The following CYP3A5 variants were observed in gnomAD, a reference collection of about 807,000 sequenced individuals.
CYP3A5 encodes the protein cytochrome P450 family 3 subfamily A member 5.
In CYP3A5, 51 loss-of-function variants were observed where a neutral mutation model predicts 55.9. The observed-to-expected ratio is 0.91, with a 90% confidence interval of 0.73 to 1.15. The LOEUF is 1.15. Ranked by LOEUF, CYP3A5 falls within the 50% of genes most tolerant of loss-of-function variation. The pLI, the probability that CYP3A5 is intolerant of heterozygous loss-of-function variation, is 0.00. For synonymous variants in CYP3A5, 196 were observed against 213.9 expected (o/e 0.92, Z 0.73); for missense variants, 533 against 596.6 (o/e 0.89, Z 1.11).
At chr7:99,665,597 C>A (rs1810920804) in intron 6 of CYP3A5, among the ~76,000 whole-genome samples, 1 of 152,200 alleles carries the variant, frequency 6.6e-6, no homozygotes, top group Non-Finnish European at 1.5e-5. Flanking sequence ...CATTATCAGA[C>A]AACTACAGTA....
chr7:99,663,261 G>A (rs563722221), intron 8 of CYP3A5: 75 of 1,018,476 alleles, frequency 7.4e-5, no homozygotes, highest in East Asian at 2.9e-4. Flanking sequence ...AGCAGTGTCC[G>A]TATAGATTAA....
At position 99,654,520 on chromosome 7, in the gene CYP3A5, T is replaced by A. The variant is rs1020971382; in HGVS notation, c.1027-1741A>T. On this transcript the variant is annotated intron_variant, in intron 10 of 12. Transcript: ENST00000222982. ...GGTTGGTTCCAAGTCTTTGCTATTG[T>A]GAATAGTGCTGCAATAAACATAAGT... is the stretch of plus-strand genomic sequence containing the variant. Among the ~76,000 whole-genome samples, 4 of 152,360 alleles carry A rather than the reference T, an allele frequency of 2.6e-5. 1 individual carries two copies. The highest frequency in any genetic ancestry group is 9.6e-5 in the African/African-American group (4 of 41,582).
Position 99,666,660 on chromosome 7 carries a change from A to C in CYP3A5, c.462T>G (p.Asp154Glu). 3 of 1,614,038 alleles carry C rather than the reference A, an allele frequency of 1.9e-6. No individual in the cohort carries two copies. The highest frequency in any genetic ancestry group is 2.5e-6 in the Non-Finnish European group (3 of 1,179,948). ...CCCGCCTCAAGTTTCTCACCAATAC[A>C]TCTCCATACTGGGCAATGATGGGGA... The part of the protein sequence containing the change: ...EMFPIIAQYG[D>E]VLVRNLRREA... The change falls in exon 6 of 13, where the codon GAT becomes GAG. Residue 154 changes from aspartate to glutamate, a missense_variant. Physicochemically the swap from Asp to Glu is conservative, Grantham distance 45. Coordinates refer to ENST00000222982, the MANE Select transcript of CYP3A5 (RefSeq NM_000777.5).
At chr7:99,656,055 A>G (rs1407374362) in intron 10 of CYP3A5, among the ~76,000 whole-genome samples, 1 of 152,126 alleles carries the variant, frequency 6.6e-6, no homozygotes, top group Non-Finnish European at 1.5e-5. Flanking sequence ...TCTTTTCCTA[A>G]TTGAATACCC....
chr7:99,665,365 T>A (rs1209283759), intron 6 of CYP3A5, 51 bp from the exon 7 acceptor site: 1 of 1,606,984 alleles, frequency 6.2e-7, no homozygotes. Context: ...TTACCGTCCT[T>A]CCACTATACA....
intron 7 of CYP3A5, among the ~76,000 whole-genome samples, chr7:99,664,744 ATAAT>A (rs1176435948): frequency 2.0e-5 from 3 of 152,204 alleles, no homozygotes; most frequent in Non-Finnish European, 4.4e-5. Context: ...CAAATTGATT[ATAAT>A]TATTTACACC....
At chr7:99,657,193 C>G (rs1221889508) in intron 10 of CYP3A5, among the ~76,000 whole-genome samples, 3 of 152,206 alleles carry the variant, frequency 2.0e-5, no homozygotes, top group African/African-American at 7.2e-5. Flanking sequence ...AATGTTAGAT[C>G]TTTCCTGCTT....
At chr7:99,675,630 T>TCC (rs1812159471) in intron 2 of CYP3A5, among the ~76,000 whole-genome samples, 1 of 18,622 alleles carries the variant, frequency 5.4e-5, no homozygotes, top group Non-Finnish European at 1.4e-4. Context: ...TCCTTTTCTC[T>TCC]CCTCTCCTCT....
At chr7:99,649,390 A>C (rs1363422482) in intron 12 of CYP3A5, among the ~76,000 whole-genome samples, 13 of 152,212 alleles carry the variant, frequency 8.5e-5, no homozygotes, top group Admixed American at 8.5e-4. Flanking sequence ...TGAATCAATG[A>C]CATCTGTTCT....
intron 8 of CYP3A5, 104 bp downstream of exon 8, chr7:99,663,862 TTC>T: frequency 6.9e-7 from 1 of 1,442,916 alleles, no homozygotes; most frequent in Non-Finnish European, 9.1e-7. Flanking sequence ...TAAACATAAG[TTC>T]TCTGTCTTTA....
At chr7:99,652,407 G>A (rs1265545705) in intron 11 of CYP3A5, 146 bp downstream of exon 11, 12 of 572,882 alleles carry the variant, frequency 2.1e-5, no homozygotes, top group South Asian at 1.7e-4. Flanking sequence ...GGTTTGTAAA[G>A]TTTGATAATT....
intron 7 of CYP3A5, 78 bp from the exon 8 acceptor site, chr7:99,664,173 C>T: frequency 8.5e-7 from 1 of 1,170,278 alleles, no homozygotes. Flanking sequence ...ATTTTCTCTA[C>T]CAGTAATAAG....
chr7:99,659,937 G>C (rs533018215), intron 10 of CYP3A5: 1 of 153,240 alleles, frequency 6.5e-6, no homozygotes, highest in East Asian at 1.9e-4. Flanking sequence ...CGCAGTATTA[G>C]GGTGGGAGTG....
At chr7:99,651,192 G>A (rs1441694254) in intron 11 of CYP3A5, among the ~76,000 whole-genome samples, 2 of 152,134 alleles carry the variant, frequency 1.3e-5, no homozygotes, top group African/African-American at 4.8e-5. Flanking sequence ...GGAGATGCAC[G>A]AAAACTATTC....
chr7:99,667,996 GT>G (rs767306093), intron 4 of CYP3A5, among the ~76,000 whole-genome samples: 54 of 152,236 alleles, frequency 3.5e-4, no homozygotes, highest in Non-Finnish European at 6.3e-4. Flanking sequence ...TAATAGAATT[GT>G]CTCTATTTTC....
At chr7:99,660,240 T>A (rs1810287554) in intron 10 of CYP3A5, 28 of 977,948 alleles carry the variant, frequency 2.9e-5, no homozygotes, top group Non-Finnish European at 3.3e-5. Context: ...TTTTTTTTTT[T>A]TTTTTACTTA....
At chr7:99,667,728 A>G (rs1367093358) in intron 4 of CYP3A5, among the ~76,000 whole-genome samples, 1 of 152,222 alleles carries the variant, frequency 6.6e-6, no homozygotes, top group African/African-American at 2.4e-5. Context: ...GTTTTGTTTT[A>G]AAATGTGTAC....
At chr7:99,677,960 G>A (rs558854022) in intron 1 of CYP3A5, among the ~76,000 whole-genome samples, 1 of 152,350 alleles carries the variant, frequency 6.6e-6, no homozygotes, top group African/African-American at 2.4e-5. Flanking sequence ...GCTGTGCTGG[G>A]CGAACTCTTT....
In CYP3A5 at chr7:99,662,290, G is replaced by T. The variant is rs1307689162; in HGVS notation, c.865+526C>A. ...ATGGTTTTGGTTAAAACCATCCATGGGTCATAAAACTAGTAGATACAAGAC... is the reference window on the plus strand; with the variant it reads ...ATGGTTTTGGTTAAAACCATCCATGTGTCATAAAACTAGTAGATACAAGAC... On this transcript the variant is annotated intron_variant, in intron 9 of 12. Coordinates refer to ENST00000222982, the MANE Select transcript of CYP3A5 (RefSeq NM_000777.5). The surrounding 1 kb of genome is among the most constrained non-coding windows in gnomAD (Gnocchi z 4.3). Among the ~76,000 whole-genome samples, 3 of 152,050 alleles carry T rather than the reference G, an allele frequency of 2.0e-5. No homozygotes were observed. In the East Asian group the frequency reaches 5.8e-4, roughly 29 times the overall value.
Sources: gnomAD v4.1 joint callset for allele counts (sites outside exome capture counted in the v4.1 genomes callset) on GRCh38, gnomAD v4.1.1 for gene constraint, Gnocchi (gnomAD v3.1) non-coding constraint, MANE v1.5 for transcripts, NCBI Gene and HGNC (gene_info 2026-07-23, HGNC 2026-07-21) for gene names.